Variants in PCDHA8 observed in about 807,000 individuals in gnomAD.
The protein encoded by PCDHA8 is protocadherin alpha-8.
Under a neutral mutation model 61.8 loss-of-function variants are expected in PCDHA8, and 53 were observed. That is an observed-to-expected ratio of 0.86 (90% confidence interval 0.69 to 1.08). The LOEUF is 1.08. PCDHA8 is among the 50% of genes least tolerant of loss of function. PCDHA8 has a pLI of 0.00. For missense variants in PCDHA8, 1,293 were observed against 1,245.0 expected (o/e 1.04, Z -0.58); for synonymous variants, 618 against 556.6 (o/e 1.11, Z -1.55).
chr5:140,877,721 A>C, intron 1 of PCDHA8: 3 of 1,614,000 alleles, frequency 1.9e-6, no homozygotes, highest in Non-Finnish European at 2.5e-6. Context: ...AGTTGGTCTT[A>C]CTCGCAGCAG....
At chr5:140,873,086 C>G (rs984385666) in intron 1 of PCDHA8, among the ~76,000 whole-genome samples, 1 of 152,122 alleles carries the variant, frequency 6.6e-6, no homozygotes, top group Non-Finnish European at 1.5e-5. Context: ...ATTTCCCCCC[C>G]GTATAGAGGC....
At chr5:140,958,667 TA>T (rs1310790364) in intron 1 of PCDHA8, among the ~76,000 whole-genome samples, 1 of 152,186 alleles carries the variant, frequency 6.6e-6, no homozygotes, top group African/African-American at 2.4e-5. Context: ...GATGAAATTT[TA>T]ATTATAAAGG....
intron 1 of PCDHA8, among the ~76,000 whole-genome samples, chr5:140,898,476 G>A (rs1167001415): frequency 6.6e-6 from 1 of 152,072 alleles, no homozygotes; most frequent in Non-Finnish European, 1.5e-5. Flanking sequence ...TTTTTCTCAG[G>A]TTTGTCAAAG....
chr5:140,869,178 G>T (rs200717410), intron 1 of PCDHA8: 1 of 1,613,988 alleles, frequency 6.2e-7, no homozygotes, highest in East Asian at 2.2e-5. Flanking sequence ...AATTCTGGGA[G>T]GTGGGGAGCG....
rs890605582 is a variant in PCDHA8 at position 140,851,133 on chromosome 5, T to C, written c.2394+7418T>C. Reference sequence around the variant, plus strand: ...GAATCAATTTTATTTAAATTTGTGATTAAAGTGACATTGAATTTCTGATGC... The same window carrying C: ...GAATCAATTTTATTTAAATTTGTGACTAAAGTGACATTGAATTTCTGATGC... On this transcript the variant is annotated intron_variant, in intron 1 of 3. Transcript: ENST00000531613. 54 of 1,314,072 alleles carry C rather than the reference T, an allele frequency of 4.1e-5. 3 individuals carry two copies. Among genetic ancestry groups the C allele is most frequent in the Non-Finnish European group, 5.2e-5 (53 of 1,014,404 alleles). 81.4% of individuals were successfully genotyped at this position (1,314,072 alleles called of 1,614,324 possible). A position where few individuals can be genotyped will look rare whatever the true frequency, so the allele number is the denominator to read the frequency against.
rs2150373759 is a variant in PCDHA8 at position 140,844,778 on chromosome 5, T to C, written c.2394+1063T>C. On this transcript the variant is annotated intron_variant, in intron 1 of 3. Coordinates refer to ENST00000531613, the MANE Select transcript of PCDHA8 (RefSeq NM_018911.3). ...TTTGAAAAATCCAAGATACTTTATT[T>C]TGGTATCTTTCAACATTTTCTTTCT... Among the ~76,000 whole-genome samples the C allele has an allele frequency of 4.0e-5, 6 of 149,392 alleles. 1 individual carries two copies. Among genetic ancestry groups the C allele is most frequent in the African/African-American group, 1.5e-4 (6 of 40,816 alleles).
At chr5:140,864,428 A>G (rs1459039146) in intron 1 of PCDHA8, 2 of 152,138 alleles carry the variant, frequency 1.3e-5, no homozygotes, top group Non-Finnish European at 2.9e-5. Context: ...TCGTCCACAA[A>G]CAATTTTGTT....
chr5:140,943,605 CTT>C (rs1232110768), intron 1 of PCDHA8, among the ~76,000 whole-genome samples: 5 of 152,064 alleles, frequency 3.3e-5, no homozygotes, highest in African/African-American at 1.2e-4. Context: ...TAAATATAGA[CTT>C]TGATTCATCT....
chr5:140,863,150 AC>A (rs1554157831), intron 1 of PCDHA8: 2 of 619,160 alleles, frequency 3.2e-6, no homozygotes, highest in Non-Finnish European at 6.2e-6. Context: ...CTGGTGAAGG[AC>A]CACTGCGAGC....
chr5:140,886,217 T>C (rs548266069), intron 1 of PCDHA8, among the ~76,000 whole-genome samples: 3 of 152,240 alleles, frequency 2.0e-5, no homozygotes, highest in African/African-American at 7.2e-5. Flanking sequence ...TTTCTCTAAT[T>C]TTGTTACTTT....
At chr5:141,005,822 C>T (rs1248291613) in intron 3 of PCDHA8, among the ~76,000 whole-genome samples, 2 of 151,298 alleles carry the variant, frequency 1.3e-5, no homozygotes, top group Non-Finnish European at 2.9e-5. Context: ...GTATGGTGGC[C>T]TGTAGTCCCA....
At chr5:140,987,880 T>A (rs2097271532) in intron 3 of PCDHA8, among the ~76,000 whole-genome samples, 1 of 152,112 alleles carries the variant, frequency 6.6e-6, no homozygotes, top group Non-Finnish European at 1.5e-5. Context: ...AAATGGACAG[T>A]TTATGTGCCC....
At chr5:140,902,986 T>C (rs569244845) in intron 1 of PCDHA8, among the ~76,000 whole-genome samples, 1 of 152,346 alleles carries the variant, frequency 6.6e-6, no homozygotes, top group East Asian at 1.9e-4. Flanking sequence ...GTTGGTTCCA[T>C]ATTTTTGCAA....
intron 2 of PCDHA8, among the ~76,000 whole-genome samples, chr5:140,979,231 C>T (rs1203154373): frequency 6.6e-6 from 1 of 152,186 alleles, no homozygotes; most frequent in Non-Finnish European, 1.5e-5. Context: ...TCTGTAAAAT[C>T]ACAGAAACAG....
At chr5:140,917,690 G>C (rs2078307385) in intron 1 of PCDHA8, among the ~76,000 whole-genome samples, 1 of 152,108 alleles carries the variant, frequency 6.6e-6, no homozygotes, top group African/African-American at 2.4e-5. Context: ...TTTTGTTGAA[G>C]ATCAGATAAT....
Position 140,843,622 on chromosome 5 carries a change from G to T in PCDHA8, c.2301G>T (p.Thr767=). Residue 767 remains threonine, a synonymous_variant, in exon 1 of 4, where the codon ACG becomes ACT. Coordinates refer to ENST00000531613, the MANE Select transcript of PCDHA8 (RefSeq NM_018911.3). ...RVCSGEGPPK[T]DLMAFSPCLP... is the part of the protein sequence containing the mutation. Reference sequence around the variant, plus strand: ...GCTCTGGTGAGGGGCCACCGAAGACGGACCTCATGGCCTTCAGCCCCTGCC... The same window carrying T: ...GCTCTGGTGAGGGGCCACCGAAGACTGACCTCATGGCCTTCAGCCCCTGCC... The T allele has an allele frequency of 1.3e-6, 2 of 1,596,026 alleles. No individual in the cohort carries two copies. The highest frequency in any genetic ancestry group is 1.7e-6 in the Non-Finnish European group (2 of 1,165,516).
Position 140,863,100 on chromosome 5 carries a change from C to A in PCDHA8, c.2394+19385C>A, listed in dbSNP as rs146061743. 4,507 of 579,870 alleles carry A rather than the reference C, an allele frequency of 7.8e-3. 34 individuals carry two copies. The highest frequency in any genetic ancestry group is 0.018 in the Middle Eastern group (62 of 3,436). The allele number at this position is 579,870 out of a possible 1,614,324, so 35.9% of individuals were successfully genotyped here. A position where few individuals can be genotyped will look rare whatever the true frequency, so the allele number is the denominator to read the frequency against. ...CGGGCGAGATCAGCACGACGAGTAC[C>A]CTGGACGAGGCGAAAGCTACGCGCC... On this transcript the variant is annotated intron_variant, in intron 1 of 3. Coordinates refer to ENST00000531613, the MANE Select transcript of PCDHA8 (RefSeq NM_018911.3).
chr5:140,858,566 G>A (rs2045486949), intron 1 of PCDHA8: 1 of 1,375,796 alleles, frequency 7.3e-7, no homozygotes, highest in African/African-American at 1.4e-5. Context: ...TATTTCTAGT[G>A]ATACCTTTGT....
intron 1 of PCDHA8, 142 bp from the exon 2 acceptor site, chr5:140,978,807 A>T (rs1489269679): frequency 6.7e-7 from 1 of 1,494,726 alleles, no homozygotes; most frequent in Non-Finnish European, 8.9e-7. Context: ...AGATATCATC[A>T]TAGAGTTACA....
Sources: allele counts gnomAD v4.1 joint callset (sites outside exome capture counted in the v4.1 genomes callset), GRCh38; gene constraint gnomAD v4.1.1; transcripts MANE v1.5; gene names NCBI Gene and HGNC (gene_info 2026-07-23, HGNC 2026-07-21).